TBKBP1: variants seen among roughly 807,000 people sequenced by gnomAD.
TBKBP1 encodes TANK-binding kinase 1-binding protein 1.
A neutral mutation model predicts 69.9 loss-of-function variants in TBKBP1; 47 were observed. That is an observed-to-expected ratio of 0.67 (90% CI 0.53 to 0.86). TBKBP1 has a LOEUF of 0.86. TBKBP1 is among the 40% of genes least tolerant of loss of function. TBKBP1 has a pLI of 0.00. For missense variants in TBKBP1, 831 were observed against 858.6 expected (o/e 0.97, Z 0.40); for synonymous variants, 418 against 390.3 (o/e 1.07, Z -0.84).
chr17:47,709,803 A>G (rs938894331), intron 9 of TBKBP1, among the ~76,000 whole-genome samples: 1 of 152,250 alleles, frequency 6.6e-6, no homozygotes, highest in Non-Finnish European at 1.5e-5. Flanking sequence ...CTCATCTGCA[A>G]AATGGGGACA....
In TBKBP1 at chr17:47,702,988, G is replaced by T. The variant is rs931113658; in HGVS notation, c.872+3291G>T. Among the ~76,000 whole-genome samples, 22 of 133,410 alleles carry T rather than the reference G, an allele frequency of 1.6e-4. No homozygotes were observed. In the East Asian group the frequency reaches 3.1e-3, roughly 19 times the overall value. 87.5% of individuals were successfully genotyped at this position (133,410 alleles called of 152,430 possible). A position where few individuals can be genotyped will look rare whatever the true frequency, so the allele number is the denominator to read the frequency against. On this transcript the variant is annotated intron_variant, in intron 7 of 9. Coordinates refer to ENST00000578982, the MANE Select transcript of TBKBP1 (RefSeq NM_001394755.1). ...GTGCTGAGGGGGAGGGGAAATGCGG[G>T]GGGGGGAACTTCTTGAAGGGGATGA...
rs1389821292 is a variant in TBKBP1 at position 47,711,179 on chromosome 17, T to G, written c.*553T>G. ...CCCCCACTGGGGGAGGGAGGCATCT[T>G]GTTTCTTGTGGTTCCCTGCAGGCCA... On this transcript the variant is annotated 3_prime_UTR_variant, in exon 10 of 10. Transcript: ENST00000578982. 2 of 153,128 alleles carry G rather than the reference T, an allele frequency of 1.3e-5. No individual in the cohort carries two copies. The highest frequency in any genetic ancestry group is 2.9e-5 in the Non-Finnish European group (2 of 68,720). The allele number at this position is 153,128 out of a possible 1,614,324, so 9.5% of individuals were successfully genotyped here. A position where few individuals can be genotyped will look rare whatever the true frequency, so the allele number is the denominator to read the frequency against.
intron 9 of TBKBP1, among the ~76,000 whole-genome samples, chr17:47,710,246 C>T (rs1287457883): frequency 6.6e-6 from 1 of 152,198 alleles, no homozygotes; most frequent in Non-Finnish European, 1.5e-5. Context: ...GTCTTGGCTT[C>T]TCTCATTACC....
At chr17:47,709,569 A>C in intron 9 of TBKBP1, 117 bp downstream of exon 9, 3 of 1,347,346 alleles carry the variant, frequency 2.2e-6, no homozygotes, top group South Asian at 1.7e-5. Context: ...CAAACTATTC[A>C]CCCTCCTTGG....
intron 4 of TBKBP1, 140 bp from the exon 5 acceptor site, chr17:47,698,455 A>G: frequency 2.3e-6 from 2 of 876,016 alleles, no homozygotes; most frequent in Non-Finnish European, 3.3e-6. Context: ...GGCTGAGAGG[A>G]GACTTTGCAC....
chr17:47,694,608 T>TGCGCTC (rs1193317469), intron 1 of TBKBP1: 1 of 152,134 alleles, frequency 6.6e-6, no homozygotes, highest in East Asian at 1.9e-4. Flanking sequence ...CGCCTTCCAT[T>TGCGCTC]GCGCTCACCC....
rs2031391011 is a variant in TBKBP1, at chr17:47,699,345, T to C, written c.660T>C (p.Ser220=). ...CAGGCTGGCCGGGCTCCACACCCAGTGTGAGTGACCTGGAGCGGCGGCGGC... is the reference window on the plus strand; with the variant it reads ...CAGGCTGGCCGGGCTCCACACCCAGCGTGAGTGACCTGGAGCGGCGGCGGC... ...SHAGWPGSTP[S]VSDLERRRLE... is the part of the protein sequence containing the mutation. Residue 220 remains serine (S), a synonymous_variant, in exon 6 of 10, where the codon AGT becomes AGC. Transcript: ENST00000578982. 5.8e-6 allele frequency: 9 copies of C among 1,539,160 alleles called. No individual in the cohort carries two copies. The highest frequency in any genetic ancestry group is 2.3e-5 in the East Asian group (1 of 43,898).
At position 47,710,916 on chromosome 17, in the gene TBKBP1, G is replaced by T; in HGVS notation, c.*290G>T. On this transcript the variant is annotated 3_prime_UTR_variant, in exon 10 of 10. Coordinates refer to ENST00000578982, the MANE Select transcript of TBKBP1 (RefSeq NM_001394755.1). The stretch of plus-strand genomic sequence containing the variant: ...ATACCCCTCCCAGGCCTCTCCCTCT[G>T]CCTTTCTGTTCTTAATCAGGGTTGG... 1 of 302,770 alleles carries T rather than the reference G, an allele frequency of 3.3e-6. No homozygotes were observed. Among genetic ancestry groups the T allele is most frequent in the Non-Finnish European group, 6.2e-6 (1 of 161,664 alleles). The allele number at this position is 302,770 out of a possible 1,614,324, so 18.8% of individuals were successfully genotyped here.
intron 7 of TBKBP1, among the ~76,000 whole-genome samples, chr17:47,703,000 C>G (rs1048216778): frequency 2.9e-5 from 4 of 139,300 alleles, no homozygotes; most frequent in Admixed American, 2.9e-4. Flanking sequence ...GGGGGAACTT[C>G]TTGAAGGGGA....
In TBKBP1 at chr17:47,710,862, G is replaced by A. The variant is rs1366923934; in HGVS notation, c.*236G>A. ...CATGCTCCTGGTTTCTGCTTAGGAGGTGGGGACTTGGGCTGGGATGGGGAC... is the reference window on the plus strand; with the variant it reads ...CATGCTCCTGGTTTCTGCTTAGGAGATGGGGACTTGGGCTGGGATGGGGAC... On this transcript the variant is annotated 3_prime_UTR_variant, in exon 10 of 10. Transcript: ENST00000578982. 8.2e-6 allele frequency: 4 copies of A among 485,856 alleles called. No individual in the cohort carries two copies. The East Asian group carries it at 1.5e-4, about 18-fold the overall frequency. 30.1% of individuals were successfully genotyped at this position (485,856 alleles called of 1,614,324 possible).
intron 4 of TBKBP1, among the ~76,000 whole-genome samples, chr17:47,698,371 G>C (rs1391254027): frequency 6.6e-6 from 1 of 152,228 alleles, no homozygotes; most frequent in African/African-American, 2.4e-5. Flanking sequence ...AAGTGTCCCT[G>C]TGTGTTAATG....
chr17:47,694,724 T>TG (rs531909324), intron 1 of TBKBP1: 4,731 of 134,020 alleles, frequency 0.035, 133 homozygotes, highest in East Asian at 0.18. Context: ...GGCGGGGGTC[T>TG]GGGGGGGTGT....
chr17:47,708,992 G>A lies in TBKBP1; in HGVS notation c.1259G>A (p.Ser420Asn). The A allele has an allele frequency of 8.9e-7, 1 of 1,127,210 alleles. No individual in the cohort carries two copies. The highest frequency in any genetic ancestry group is 1.1e-6 in the Non-Finnish European group (1 of 921,952). The allele number at this position is 1,127,210 out of a possible 1,614,324, so 69.8% of individuals were successfully genotyped here. Residue 420 changes from serine to asparagine, a missense_variant, in exon 9 of 10, where the codon AGC (serine) becomes AAC (asparagine). By Grantham distance (46) the Ser-to-Asn change is conservative (BLOSUM62 1). Coordinates refer to ENST00000578982, the MANE Select transcript of TBKBP1 (RefSeq NM_001394755.1). This position sits in a 1 kb window ranked among gnomAD's most constrained non-coding sequence, Gnocchi z 4.4. The part of the protein sequence containing the change: ...SPQRRSPVPP[S>N]CPAPQPRPPP... Reference sequence around the variant, plus strand: ...CAGCGCCGTTCCCCGGTGCCCCCCAGCTGCCCGGCCCCGCAGCCCCGGCCA... The same window carrying A: ...CAGCGCCGTTCCCCGGTGCCCCCCAACTGCCCGGCCCCGCAGCCCCGGCCA...
At chr17:47,702,528 C>T (rs2031546117) in intron 7 of TBKBP1, among the ~76,000 whole-genome samples, 1 of 152,016 alleles carries the variant, frequency 6.6e-6, no homozygotes, top group Non-Finnish European at 1.5e-5. Flanking sequence ...CTATTAATTC[C>T]CTTCTCTGGA....
In TBKBP1 at chr17:47,698,074, C is replaced by T. The variant is rs147959796; in HGVS notation, c.454-521C>T. Among the ~76,000 whole-genome samples the T allele has an allele frequency of 3.3e-3, 497 of 152,040 alleles. 3 individuals are homozygous for T. Among genetic ancestry groups the T allele is most frequent in the Middle Eastern group, 6.8e-3 (2 of 292 alleles). Reference sequence around the variant, plus strand: ...AAAGTGGGGCAAATATTAACACCCTCACCAGGTTGTGGTGAGGGTGATGGG... The same window carrying T: ...AAAGTGGGGCAAATATTAACACCCTTACCAGGTTGTGGTGAGGGTGATGGG... On this transcript the variant is annotated intron_variant, in intron 4 of 9. Coordinates refer to ENST00000578982, the MANE Select transcript of TBKBP1 (RefSeq NM_001394755.1).
chr17:47,707,254 C>T (rs571193947), intron 7 of TBKBP1, among the ~76,000 whole-genome samples: 7 of 152,320 alleles, frequency 4.6e-5, no homozygotes, highest in Admixed American at 6.5e-5. Context: ...CTCCTGGGGC[C>T]GTGCAGGCCA....
chr17:47,701,436 A>C (rs2031500684), intron 7 of TBKBP1, among the ~76,000 whole-genome samples: 2 of 152,014 alleles, frequency 1.3e-5, no homozygotes. Context: ...GTCATGATGT[A>C]GGGCCCTTCA....
In TBKBP1 at chr17:47,708,769, C is replaced by A; in HGVS notation, c.1036C>A (p.Gln346Lys). 1 of 1,107,146 alleles carries A rather than the reference C, an allele frequency of 9.0e-7. No homozygotes were observed. Among genetic ancestry groups the A allele is most frequent in the Non-Finnish European group, 1.3e-6 (1 of 781,862 alleles). The allele number at this position is 1,107,146 out of a possible 1,614,324, so 68.6% of individuals were successfully genotyped here. Reference protein sequence around the residue: ...PLSQRHSPAPQCPSPSPPARA... With the variant: ...PLSQRHSPAPKCPSPSPPARA... The stretch of plus-strand genomic sequence containing the variant: ...GTCACAACGCCACTCCCCGGCCCCC[C>A]AGTGCCCCTCCCCCTCCCCGCCTGC... The change falls in exon 9 of 10, where the codon CAG (glutamine) becomes AAG (lysine). Residue 346 changes from glutamine to lysine, a missense_variant. Transcript: ENST00000578982. This position sits in a 1 kb window ranked among gnomAD's most constrained non-coding sequence, Gnocchi z 4.4.
Position 47,711,046 on chromosome 17 carries a change from G to C in TBKBP1, c.*420G>C, listed in dbSNP as rs1310392026. The C allele has an allele frequency of 6.3e-6, 1 of 157,716 alleles. No individual in the cohort carries two copies. Among genetic ancestry groups the C allele is most frequent in the African/African-American group, 2.4e-5 (1 of 41,646 alleles). The allele number at this position is 157,716 out of a possible 1,614,324, so 9.8% of individuals were successfully genotyped here. A position where few individuals can be genotyped will look rare whatever the true frequency, so the allele number is the denominator to read the frequency against. On this transcript the variant is annotated 3_prime_UTR_variant, in exon 10 of 10. Coordinates refer to ENST00000578982, the MANE Select transcript of TBKBP1 (RefSeq NM_001394755.1). Reference sequence around the variant, plus strand: ...CAAATGTCCATCTTTCTCAGACGGGGCTCTGTCTGGGGAGCACCCACAGGC... The same window carrying C: ...CAAATGTCCATCTTTCTCAGACGGGCCTCTGTCTGGGGAGCACCCACAGGC...
Sources: gnomAD v4.1 joint callset for allele counts (sites outside exome capture counted in the v4.1 genomes callset) on GRCh38, gnomAD v4.1.1 for gene constraint, Gnocchi (gnomAD v3.1) non-coding constraint, MANE v1.5 for transcripts, NCBI Gene and HGNC (gene_info 2026-07-23, HGNC 2026-07-21) for gene names.